The following CACNA1A variants were observed in gnomAD, a reference collection of about 807,000 sequenced individuals.
CACNA1A encodes the protein calcium voltage-gated channel subunit alpha1 A.
A neutral mutation model predicts 262.4 loss-of-function variants in CACNA1A; 57 were observed. That is an observed-to-expected ratio of 0.22 (90% confidence interval 0.18 to 0.27). CACNA1A has a LOEUF of 0.27. Among genes scored for constraint, CACNA1A ranks in the 10% least tolerant of loss-of-function variants. The pLI, the probability that CACNA1A is intolerant of heterozygous loss-of-function variation, is 1.00. For missense variants in CACNA1A, 2,526 were observed against 3,562.8 expected (o/e 0.71, Z 7.41); for synonymous variants, 1,431 against 1,419.3 (o/e 1.01, Z -0.18).
At chr19:13,211,623 GCA>G (rs781237894) in intron 43 of CACNA1A, 4 of 172,610 alleles carry the variant, frequency 2.3e-5, no homozygotes, top group Non-Finnish European at 5.0e-5. Flanking sequence ...GAGTACATGT[GCA>G]GTGTGTATAT....
chr19:13,375,016 A>T (rs1033253638), intron 3 of CACNA1A, among the ~76,000 whole-genome samples: 2 of 152,106 alleles, frequency 1.3e-5, no homozygotes, highest in Non-Finnish European at 2.9e-5. Context: ...CAATTTGTAG[A>T]TATTGTGTTT....
At chr19:13,231,675 A>G in intron 35 of CACNA1A, 35 bp downstream of exon 35, 6 of 1,593,670 alleles carry the variant, frequency 3.8e-6, no homozygotes, top group Non-Finnish European at 4.3e-6. Context: ...AGGCTTAGGG[A>G]GCCCAGACGG....
At chr19:13,469,661 G>A (rs1384197650) in intron 1 of CACNA1A, among the ~76,000 whole-genome samples, 2 of 143,082 alleles carry the variant, frequency 1.4e-5, no homozygotes, top group Admixed American at 7.2e-5. Flanking sequence ...GGGTTTCACC[G>A]TGTTAGCCAG....
At chr19:13,286,434 C>G in intron 20 of CACNA1A, 69 bp downstream of exon 20, 1 of 744,440 alleles carries the variant, frequency 1.3e-6, no homozygotes, top group Non-Finnish European at 2.2e-6. Flanking sequence ...TCCAGGGTCA[C>G]TCAGCAGAGC....
intron 3 of CACNA1A, among the ~76,000 whole-genome samples, chr19:13,430,453 G>T (rs576511014): frequency 5.3e-5 from 8 of 152,078 alleles, no homozygotes; most frequent in African/African-American, 1.9e-4. Flanking sequence ...GTATCTGCCC[G>T]CCTCGGCCTC....
At chr19:13,231,657 A>G (rs2144629143) in intron 35 of CACNA1A, 53 bp downstream of exon 35, 1 of 1,564,328 alleles carries the variant, frequency 6.4e-7, no homozygotes. Flanking sequence ...CTCCCCTGAA[A>G]GGAAGCCAGG....
At chr19:13,415,609 TG>T (rs990013538) in intron 3 of CACNA1A, among the ~76,000 whole-genome samples, 38 of 151,470 alleles carry the variant, frequency 2.5e-4, no homozygotes, top group African/African-American at 8.7e-4. Context: ...GGCATGGTGG[TG>T]CACGCCTGTA....
In CACNA1A at chr19:13,252,674, G is replaced by C. The variant is rs368180131; in HGVS notation, c.4866+317C>G. 33 of 171,350 alleles carry C rather than the reference G, an allele frequency of 1.9e-4. 1 individual carries two copies. Among genetic ancestry groups the C allele is most frequent in the African/African-American group, 7.8e-4 (33 of 42,258 alleles). 10.6% of individuals were successfully genotyped at this position (171,350 alleles called of 1,614,324 possible). A position where few individuals can be genotyped will look rare whatever the true frequency, so the allele number is the denominator to read the frequency against. On this transcript the variant is annotated intron_variant, in intron 30 of 46. Transcript: ENST00000360228. Reference sequence around the variant, plus strand: ...CAAAGTGCTGGAATTACAGCCATGAGACACCTCGCCCAGCCTGATTTCAGT... The same window carrying C: ...CAAAGTGCTGGAATTACAGCCATGACACACCTCGCCCAGCCTGATTTCAGT...
chr19:13,388,245 CTTTTTTTTTTT>C (rs1161893626), intron 3 of CACNA1A, among the ~76,000 whole-genome samples: 40 of 85,706 alleles, frequency 4.7e-4, no homozygotes, highest in East Asian at 1.1e-3. Flanking sequence ...TCTTCCTCTT[CTTTTTTTTTTT>C]TTTTTTTTTT....
intron 29 of CACNA1A, among the ~76,000 whole-genome samples, chr19:13,254,644 G>T (rs1162371091): frequency 1.3e-5 from 2 of 152,162 alleles, no homozygotes; most frequent in Admixed American, 1.3e-4. Flanking sequence ...TTACAGGCAT[G>T]AGCCACCGCG....
chr19:13,457,107 C>T (rs80273484), intron 1 of CACNA1A, among the ~76,000 whole-genome samples: 3 of 152,082 alleles, frequency 2.0e-5, no homozygotes, highest in Admixed American at 6.6e-5. Context: ...AAAAATTAGC[C>T]GGGCATAGTG....
At chr19:13,352,915 G>A (rs956740720) in intron 6 of CACNA1A, among the ~76,000 whole-genome samples, 5 of 152,108 alleles carry the variant, frequency 3.3e-5, no homozygotes, top group African/African-American at 4.8e-5. Context: ...TGGGATTACA[G>A]GCGCCCGCCA....
intron 3 of CACNA1A, among the ~76,000 whole-genome samples, chr19:13,400,069 TATA>T (rs2059873104): frequency 6.6e-6 from 1 of 152,134 alleles, no homozygotes; most frequent in South Asian, 2.1e-4. Context: ...AGTTAACAAT[TATA>T]ATATTCATTA....
intron 1 of CACNA1A, among the ~76,000 whole-genome samples, chr19:13,460,447 G>A (rs921759119): frequency 1.3e-5 from 2 of 152,144 alleles, no homozygotes; most frequent in African/African-American, 4.8e-5. Context: ...TGGGTAAAGA[G>A]CCTGAGAAGA....
At chr19:13,403,905 C>T (rs1213995799) in intron 3 of CACNA1A, among the ~76,000 whole-genome samples, 5 of 152,072 alleles carry the variant, frequency 3.3e-5, no homozygotes, top group South Asian at 2.1e-4. Context: ...TGTAATGAGC[C>T]GTGGTCATGC....
chr19:13,422,356 A>T (rs1474486637), intron 3 of CACNA1A, among the ~76,000 whole-genome samples: 2 of 152,144 alleles, frequency 1.3e-5, no homozygotes, highest in Non-Finnish European at 2.9e-5. Flanking sequence ...GAGTGGAGAG[A>T]TAACACAGGT....
chr19:13,414,097 G>A (rs1368574360), intron 3 of CACNA1A, among the ~76,000 whole-genome samples: 2 of 151,756 alleles, frequency 1.3e-5, no homozygotes, highest in Non-Finnish European at 2.9e-5. Context: ...GTTGGTGCCC[G>A]TCTGTAGTCC....
In CACNA1A at chr19:13,208,877, G is replaced by T. The variant is rs16052; in HGVS notation, c.6659C>A (p.Pro2220His). 69 of 1,459,920 alleles carry T rather than the reference G, an allele frequency of 4.7e-5. No homozygotes were observed. The highest frequency in any genetic ancestry group is 5.7e-5 in the Non-Finnish European group (62 of 1,088,518). The allele number at this position is 1,459,920 out of a possible 1,614,324, so 90.4% of individuals were successfully genotyped here. The change falls in exon 46 of 47, where the codon CCC becomes CAC. Residue 2220 changes from proline to histidine, a missense_variant. This residue lies in a region of CACNA1A where 929 missense variants were observed against 868.1 expected (regional missense o/e 1.07). Coordinates refer to ENST00000360228, the MANE Select transcript of CACNA1A (RefSeq NM_001127222.2). Reference protein sequence around the residue: ...HHHHHHHHHHPPPPDKDRYAQ... With the variant: ...HHHHHHHHHHHPPPDKDRYAQ... ...ATAGCGGTCCTTGTCGGGGGGCGGG[G>T]GATGGTGGTGGTGGTGGTGGTGGTG...
intron 37 of CACNA1A, among the ~76,000 whole-genome samples, chr19:13,226,792 A>T (rs942524292): frequency 2.6e-5 from 4 of 151,518 alleles, no homozygotes; most frequent in African/African-American, 9.7e-5. Flanking sequence ...CCGCCTGCCC[A>T]CTCTGGAACA....
Sources: allele counts gnomAD v4.1 joint callset (sites outside exome capture counted in the v4.1 genomes callset), GRCh38; gene constraint gnomAD v4.1.1; regional missense constraint gnomAD v4.1.1; transcripts MANE v1.5; gene names NCBI Gene and HGNC (gene_info 2026-07-23, HGNC 2026-07-21).